The following DCHS2 variants were observed in gnomAD, a reference collection of about 807,000 sequenced individuals.
DCHS2 encodes dachsous cadherin-related 2.
DCHS2 carries 142 observed loss-of-function variants against 182.4 expected under a neutral mutation model. The observed-to-expected ratio is 0.78, with a 90% CI of 0.68 to 0.89. The LOEUF is 0.89. Ranked by LOEUF, DCHS2 falls within the 40% of genes least tolerant of loss-of-function variation. DCHS2 has a pLI of 0.00. For missense variants in DCHS2, 4,319 were observed against 4,198.6 expected, an observed-to-expected ratio of 1.03 and a Z score of -0.79; for synonymous variants, 1,740 against 1,663.3, an observed-to-expected ratio of 1.05 and a Z score of -1.12.
At chr4:154,455,484 T>A (rs1232626709) in intron 1 of DCHS2, among the ~76,000 whole-genome samples, 1 of 152,234 alleles carries the variant, frequency 6.6e-6, no homozygotes, top group East Asian at 1.9e-4. Context: ...GTTTATTAAA[T>A]GCCCTTCACA....
chr4:154,400,251 C>T (rs1484913972), intron 1 of DCHS2, among the ~76,000 whole-genome samples: 1 of 143,914 alleles, frequency 6.9e-6, no homozygotes, highest in Non-Finnish European at 1.5e-5. Context: ...TGCAGGGAGC[C>T]GAGATTGCGC....
chr4:154,296,371 C>A (rs551838763), intron 13 of DCHS2, among the ~76,000 whole-genome samples: 3 of 152,006 alleles, frequency 2.0e-5, no homozygotes, highest in African/African-American at 7.2e-5. Context: ...CAGTAAAGAG[C>A]GGGGAGTCAC....
At chr4:154,314,113 A>C (rs188980723) in intron 10 of DCHS2, among the ~76,000 whole-genome samples, 2 of 152,332 alleles carry the variant, frequency 1.3e-5, no homozygotes, top group East Asian at 3.9e-4. Context: ...TTACAAAAAA[A>C]TAAAATTCAT....
chr4:154,491,663 T>G lies in DCHS2; in HGVS notation c.-308A>C. The G allele has an allele frequency of 1.7e-6, 2 of 1,199,260 alleles. No individual in the cohort carries two copies. The highest frequency in any genetic ancestry group is 2.1e-6 in the Non-Finnish European group (2 of 967,884). 74.3% of individuals were successfully genotyped at this position (1,199,260 alleles called of 1,614,324 possible). A position where few individuals can be genotyped will look rare whatever the true frequency, so the allele number is the denominator to read the frequency against. ...TCTCCTTTTATTCCCTTTACATCTG[T>G]TCCTTGTTCTACTCGGCTGGTTGTT... On this transcript the variant is annotated 5_prime_UTR_variant, in exon 1 of 20. Transcript: ENST00000357232.
chr4:154,407,936 A>C (rs975014826), intron 1 of DCHS2, among the ~76,000 whole-genome samples: 1 of 152,074 alleles, frequency 6.6e-6, no homozygotes, highest in Non-Finnish European at 1.5e-5. Context: ...CAAATGCAAA[A>C]GTTTCTATAA....
intron 1 of DCHS2, among the ~76,000 whole-genome samples, chr4:154,384,772 A>T (rs1391089492): frequency 6.6e-6 from 1 of 152,138 alleles, no homozygotes; most frequent in Non-Finnish European, 1.5e-5. Flanking sequence ...GAACACCGAC[A>T]GCCACCAGAA....
intron 1 of DCHS2, among the ~76,000 whole-genome samples, chr4:154,431,631 C>A (rs1733562964): frequency 6.6e-6 from 1 of 152,094 alleles, no homozygotes; most frequent in East Asian, 1.9e-4. Flanking sequence ...ACATCAGTCC[C>A]AGTTAAATCT....
chr4:154,271,157 A>G (rs1733572318), intron 13 of DCHS2, among the ~76,000 whole-genome samples: 1 of 152,112 alleles, frequency 6.6e-6, no homozygotes, highest in African/African-American at 2.4e-5. Context: ...GGAGTGGGGA[A>G]TAAATTTAAA....
chr4:154,432,667 AAGAC>A (rs1397586163), intron 1 of DCHS2, among the ~76,000 whole-genome samples: 1 of 152,154 alleles, frequency 6.6e-6, no homozygotes, highest in African/African-American at 2.4e-5. Flanking sequence ...AGATGAGAAA[AAGAC>A]AGAAAATCTC....
intron 1 of DCHS2, among the ~76,000 whole-genome samples, chr4:154,444,270 T>C (rs1734165349): frequency 6.6e-6 from 1 of 152,176 alleles, no homozygotes; most frequent in Non-Finnish European, 1.5e-5. Context: ...GATGTATATA[T>C]CCAACAATGT....
At chr4:154,237,729 T>G (rs926091454) in intron 19 of DCHS2, 1 of 152,216 alleles carries the variant, frequency 6.6e-6, no homozygotes, top group African/African-American at 2.4e-5. Flanking sequence ...TAGAAATATT[T>G]AATTTTTATA....
intron 1 of DCHS2, among the ~76,000 whole-genome samples, chr4:154,463,232 G>A (rs2111002189): frequency 6.6e-6 from 1 of 151,586 alleles, no homozygotes; most frequent in African/African-American, 2.4e-5. Flanking sequence ...ACCAATGGCA[G>A]CATACTATAC....
At chr4:154,455,977 C>A (rs146794663) in intron 1 of DCHS2, among the ~76,000 whole-genome samples, 10 of 152,138 alleles carry the variant, frequency 6.6e-5, no homozygotes, top group Admixed American at 4.6e-4. Context: ...GTAATCCCAG[C>A]TACTCAGGAG....
chr4:154,303,922 T>C (rs1735324054), intron 12 of DCHS2, among the ~76,000 whole-genome samples: 1 of 152,212 alleles, frequency 6.6e-6, no homozygotes, highest in Non-Finnish European at 1.5e-5. Flanking sequence ...TCCCTTTGTG[T>C]GTGTATGTGC....
At chr4:154,258,770 C>A (rs894162917) in intron 15 of DCHS2, among the ~76,000 whole-genome samples, 1 of 152,124 alleles carries the variant, frequency 6.6e-6, no homozygotes, top group Non-Finnish European at 1.5e-5. Flanking sequence ...CGCCTTACCC[C>A]ACCTAGCCCA....
chr4:154,239,796 A>G (rs1391799611), intron 18 of DCHS2, among the ~76,000 whole-genome samples: 2 of 152,230 alleles, frequency 1.3e-5, no homozygotes, highest in Non-Finnish European at 2.9e-5. Flanking sequence ...GGTATGAGCC[A>G]CCACGCCTGG....
At chr4:154,448,969 C>T (rs1734418721) in intron 1 of DCHS2, among the ~76,000 whole-genome samples, 1 of 152,110 alleles carries the variant, frequency 6.6e-6, no homozygotes, top group Admixed American at 6.5e-5. Context: ...TAATGCGTGC[C>T]TCCTCACTGG....
intron 3 of DCHS2, among the ~76,000 whole-genome samples, chr4:154,354,499 C>G (rs529975275): frequency 6.6e-6 from 1 of 152,168 alleles, no homozygotes; most frequent in Admixed American, 6.5e-5. Context: ...GTAAAATATC[C>G]TTAAGTTCCT....
At chr4:154,446,958 ACGC>A (rs1579091183) in intron 1 of DCHS2, among the ~76,000 whole-genome samples, 1 of 135,812 alleles carries the variant, frequency 7.4e-6, no homozygotes, top group East Asian at 3.4e-4. Flanking sequence ...ACTCATACAC[ACGC>A]ACACACACAC....
Sources: gnomAD v4.1 joint callset for allele counts (sites outside exome capture counted in the v4.1 genomes callset) on GRCh38, gnomAD v4.1.1 for gene constraint, MANE v1.5 for transcripts, NCBI Gene and HGNC (gene_info 2026-07-23, HGNC 2026-07-21) for gene names.